The following PPP1R16B variants were observed in gnomAD, a reference collection of about 807,000 sequenced individuals.
PPP1R16B encodes the protein protein phosphatase 1 regulatory subunit 16B.
In PPP1R16B, 14 loss-of-function variants were observed where a neutral mutation model predicts 61.7. The observed-to-expected ratio is 0.23, with a 90% CI of 0.15 to 0.35. PPP1R16B has a LOEUF of 0.35. Ranked by LOEUF, PPP1R16B falls within the 10% of genes least tolerant of loss-of-function variation. PPP1R16B has a pLI of 1.00. For missense variants in PPP1R16B, 547 were observed against 752.5 expected (o/e 0.73, Z 3.19); for synonymous variants, 266 against 305.3 (o/e 0.87, Z 1.34).
Position 38,918,845 on chromosome 20 carries a change from T to G in PPP1R16B, c.*179T>G. On this transcript the variant is annotated 3_prime_UTR_variant, in exon 11 of 11. Transcript: ENST00000299824. This position sits in a 1 kb window ranked among gnomAD's most constrained non-coding sequence, Gnocchi z 5.3. ...ATAGCATCCCATGTCCCACGTCCCGTGGTTCTGCTTCCTGCTGCATCGTCT... is the reference window on the plus strand; with the variant it reads ...ATAGCATCCCATGTCCCACGTCCCGGGGTTCTGCTTCCTGCTGCATCGTCT... 1.4e-6 allele frequency: 1 copy of G among 718,122 alleles called. No individual in the cohort carries two copies. Among genetic ancestry groups the G allele is most frequent in the Non-Finnish European group, 2.0e-6 (1 of 492,978 alleles). The allele number at this position is 718,122 out of a possible 1,614,324, so 44.5% of individuals were successfully genotyped here.
chr20:38,832,784 G>T (rs2084845653), intron 1 of PPP1R16B, among the ~76,000 whole-genome samples: 1 of 152,068 alleles, frequency 6.6e-6, no homozygotes, highest in Non-Finnish European at 1.5e-5. Flanking sequence ...CGGGCATGAT[G>T]GTGGGTGCCT....
intron 1 of PPP1R16B, among the ~76,000 whole-genome samples, chr20:38,813,071 G>A (rs576860808): frequency 2.0e-5 from 3 of 152,352 alleles, no homozygotes; most frequent in African/African-American, 7.2e-5. Flanking sequence ...GGTGCAAACC[G>A]CTTAAGCATG....
At chr20:38,906,283 GTTTTTTTTTTT>G (rs907617949) in intron 7 of PPP1R16B, among the ~76,000 whole-genome samples, 189 bp downstream of exon 7, 19 of 101,266 alleles carry the variant, frequency 1.9e-4, no homozygotes, top group South Asian at 8.7e-4. Context: ...AGCAAGTTGT[GTTTTTTTTTTT>G]TTTTTTTTTT....
At chr20:38,847,801 C>T (rs2084944387) in intron 2 of PPP1R16B, among the ~76,000 whole-genome samples, 1 of 152,096 alleles carries the variant, frequency 6.6e-6, no homozygotes, top group Non-Finnish European at 1.5e-5. Flanking sequence ...TCTTTGTTGT[C>T]ATGTATGGTT....
At chr20:38,817,633 G>A (rs191591550) in intron 1 of PPP1R16B, among the ~76,000 whole-genome samples, 6 of 151,778 alleles carry the variant, frequency 4.0e-5, no homozygotes, top group South Asian at 2.1e-4. Flanking sequence ...TGCTGAGCAC[G>A]GTGCCTGGAA....
intron 4 of PPP1R16B, among the ~76,000 whole-genome samples, chr20:38,895,995 TCTCC>T (rs2085339723): frequency 8.3e-5 from 9 of 107,878 alleles, no homozygotes; most frequent in Non-Finnish European, 1.1e-4. Context: ...TCCTTCTTTC[TCTCC>T]TCCCTTCCCC....
intron 2 of PPP1R16B, among the ~76,000 whole-genome samples, chr20:38,850,906 T>G (rs1655863024): frequency 6.7e-6 from 1 of 149,530 alleles, no homozygotes; most frequent in African/African-American, 2.5e-5. Flanking sequence ...AGGTGGAGGT[T>G]GCAGTGAGCC....
chr20:38,888,233 G>T (rs994968469), intron 2 of PPP1R16B, among the ~76,000 whole-genome samples: 1 of 152,250 alleles, frequency 6.6e-6, no homozygotes, highest in African/African-American at 2.4e-5. Flanking sequence ...TTGGCTGGGG[G>T]TGGGAGGAGG....
intron 3 of PPP1R16B, among the ~76,000 whole-genome samples, chr20:38,892,573 A>G (rs963948466): frequency 6.6e-6 from 1 of 151,998 alleles, no homozygotes; most frequent in African/African-American, 2.4e-5. Flanking sequence ...AGGGCCCCAG[A>G]AGTAAGTTAG....
At chr20:38,834,699 A>G (rs1347172320) in intron 1 of PPP1R16B, among the ~76,000 whole-genome samples, 2 of 152,168 alleles carry the variant, frequency 1.3e-5, no homozygotes, top group African/African-American at 4.8e-5. Context: ...TTATCATAAT[A>G]TAAATGAATA....
At chr20:38,911,090 C>T (rs1185114150) in intron 10 of PPP1R16B, among the ~76,000 whole-genome samples, 2 of 152,028 alleles carry the variant, frequency 1.3e-5, no homozygotes, top group Non-Finnish European at 2.9e-5. Flanking sequence ...AAATGATCCT[C>T]TTGCCTCAGT....
intron 2 of PPP1R16B, among the ~76,000 whole-genome samples, chr20:38,887,586 C>T (rs920512718): frequency 6.6e-6 from 1 of 152,220 alleles, no homozygotes; most frequent in Non-Finnish European, 1.5e-5. Context: ...TATTTCTACA[C>T]TTTCCAATAT....
At chr20:38,818,178 G>C (rs1016859080) in intron 1 of PPP1R16B, among the ~76,000 whole-genome samples, 1 of 152,206 alleles carries the variant, frequency 6.6e-6, no homozygotes, top group African/African-American at 2.4e-5. Flanking sequence ...TGTGACTTTG[G>C]GCGTGTCAAG....
chr20:38,918,892 C>T lies in PPP1R16B; in HGVS notation c.*226C>T, dbSNP rs940003936. 14 of 483,566 alleles carry T rather than the reference C, an allele frequency of 2.9e-5. No individual in the cohort carries two copies. The highest frequency in any genetic ancestry group is 5.9e-5 in the African/African-American group (3 of 50,996). The allele number at this position is 483,566 out of a possible 1,614,324, so 30.0% of individuals were successfully genotyped here. A position where few individuals can be genotyped will look rare whatever the true frequency, so the allele number is the denominator to read the frequency against. On this transcript the variant is annotated 3_prime_UTR_variant, in exon 11 of 11. Transcript: ENST00000299824. This position sits in a 1 kb window ranked among gnomAD's most constrained non-coding sequence, Gnocchi z 5.3. ...GTCTGCCATCTGACACAAGGCCTGT[C>T]GTGGCCTCCTGGTTCACTCTGCTGT... is the stretch of plus-strand genomic sequence containing the variant.
intron 2 of PPP1R16B, among the ~76,000 whole-genome samples, chr20:38,858,094 C>G (rs2085020603): frequency 1.3e-5 from 2 of 152,100 alleles, no homozygotes; most frequent in South Asian, 4.2e-4. Context: ...AGGAGACTCT[C>G]TGGTGTCTCT....
At chr20:38,849,496 A>G (rs1485803780) in intron 2 of PPP1R16B, among the ~76,000 whole-genome samples, 1 of 152,154 alleles carries the variant, frequency 6.6e-6, no homozygotes, top group African/African-American at 2.4e-5. Context: ...TCTGGAGTGA[A>G]TGGAACTGTC....
chr20:38,850,967 CAA>C (rs11381856), intron 2 of PPP1R16B, among the ~76,000 whole-genome samples: 5 of 136,680 alleles, frequency 3.7e-5, no homozygotes, highest in Admixed American at 7.3e-5. Flanking sequence ...GACTCCATCT[CAA>C]AAAAAAAAAA....
intron 10 of PPP1R16B, among the ~76,000 whole-genome samples, chr20:38,915,328 G>C (rs115378980): frequency 0.013 from 1,939 of 152,290 alleles, 43 homozygotes; most frequent in African/African-American, 0.044. Context: ...ACTGGTGAAA[G>C]AGACCAGGGC....
chr20:38,894,667 T>A (rs2085321045), intron 3 of PPP1R16B, among the ~76,000 whole-genome samples: 1 of 152,128 alleles, frequency 6.6e-6, no homozygotes, highest in Non-Finnish European at 1.5e-5. Context: ...TTCGCAGAGG[T>A]CACCTCTAGG....
Sources: allele counts gnomAD v4.1 joint callset (sites outside exome capture counted in the v4.1 genomes callset), GRCh38; gene constraint gnomAD v4.1.1; non-coding constraint Gnocchi (gnomAD v3.1); transcripts MANE v1.5; gene names NCBI Gene and HGNC (gene_info 2026-07-23, HGNC 2026-07-21).